The following LRP1B variants were observed in gnomAD, a reference collection of about 807,000 sequenced individuals.
LRP1B encodes low-density lipoprotein receptor-related protein 1B.
In LRP1B, 217 loss-of-function variants were observed where a neutral mutation model predicts 556.6. The observed-to-expected ratio is 0.39, with a 90% confidence interval of 0.35 to 0.44. LRP1B has a LOEUF of 0.44. Ranked by LOEUF, LRP1B falls within the 20% of genes least tolerant of loss-of-function variation. LRP1B has a pLI of 1.00. For missense variants in LRP1B, 5,053 were observed against 5,620.8 expected (o/e 0.90, Z 3.23); for synonymous variants, 2,047 against 1,865.8 (o/e 1.10, Z -2.50).
chr2:141,562,880 G>T lies in LRP1B; in HGVS notation c.206-82347C>A, dbSNP rs536705469. 2.8e-4 allele frequency among the ~76,000 whole-genome samples: 43 copies of T among 151,990 alleles called. No individual in the cohort carries two copies. The Middle Eastern group carries it at 0.01, about 36-fold the overall frequency. On this transcript the variant is annotated intron_variant, in intron 2 of 90. Coordinates refer to ENST00000389484, the MANE Select transcript of LRP1B (RefSeq NM_018557.3). ...TCCTCACTAGAAATATGGAAACAAA[G>T]ATTTTATCTCAAAGCACCCTGGAAT... is the stretch of plus-strand genomic sequence containing the variant.
intron 3 of LRP1B, among the ~76,000 whole-genome samples, chr2:141,405,315 G>A (rs74900792): frequency 1.3e-5 from 2 of 151,992 alleles, no homozygotes; most frequent in East Asian, 3.8e-4. Context: ...TTAGCAAATA[G>A]TACATTTTAA....
chr2:141,423,286 A>G (rs1680213187), intron 3 of LRP1B, among the ~76,000 whole-genome samples: 1 of 128,178 alleles, frequency 7.8e-6, no homozygotes, highest in Non-Finnish European at 1.6e-5. Flanking sequence ...GGCAACAGCC[A>G]GAGCTTTTTT....
At chr2:140,612,291 G>A (rs1399690185) in intron 41 of LRP1B, among the ~76,000 whole-genome samples, 1 of 152,002 alleles carries the variant, frequency 6.6e-6, no homozygotes, top group Non-Finnish European at 1.5e-5. Flanking sequence ...CAATCACACA[G>A]GCATTCTAAC....
chr2:142,009,327 T>C (rs1243341574), intron 1 of LRP1B, among the ~76,000 whole-genome samples: 2 of 152,114 alleles, frequency 1.3e-5, no homozygotes, highest in East Asian at 1.9e-4. Context: ...TTCTGATTGG[T>C]TTTTGTTTCT....
At chr2:140,290,866 C>T (rs1361194449) in intron 84 of LRP1B, among the ~76,000 whole-genome samples, 1 of 151,934 alleles carries the variant, frequency 6.6e-6, no homozygotes, top group Non-Finnish European at 1.5e-5. Context: ...ATATATTAGA[C>T]CAGGAGAAGC....
chr2:140,749,276 C>T (rs1688487592), intron 35 of LRP1B, among the ~76,000 whole-genome samples: 1 of 152,090 alleles, frequency 6.6e-6, no homozygotes, highest in South Asian at 2.1e-4. Flanking sequence ...ATGAACCCTG[C>T]ACACTTAGGC....
At chr2:141,465,454 C>T (rs566752179) in intron 3 of LRP1B, among the ~76,000 whole-genome samples, 5 of 152,144 alleles carry the variant, frequency 3.3e-5, no homozygotes, top group South Asian at 2.1e-4. Flanking sequence ...TTCCTCAGGC[C>T]GCAGGTAGCC....
intron 3 of LRP1B, among the ~76,000 whole-genome samples, chr2:141,431,819 T>A (rs2104985391): frequency 6.6e-6 from 1 of 152,248 alleles, no homozygotes; most frequent in Admixed American, 6.5e-5. Context: ...TAATCTTGGG[T>A]CCTACAAGCT....
intron 79 of LRP1B, among the ~76,000 whole-genome samples, chr2:140,327,731 A>C (rs1010683416): frequency 6.6e-6 from 1 of 152,072 alleles, no homozygotes; most frequent in Non-Finnish European, 1.5e-5. Context: ...TGAGTATGTA[A>C]TCCAATTTAA....
chr2:141,167,565 C>T (rs1680324716), intron 7 of LRP1B, among the ~76,000 whole-genome samples: 1 of 151,648 alleles, frequency 6.6e-6, no homozygotes, highest in Admixed American at 6.6e-5. Flanking sequence ...CTAACAGGTA[C>T]TATCTATATA....
At chr2:140,616,364 C>T (rs575428867) in intron 41 of LRP1B, among the ~76,000 whole-genome samples, 148 of 152,036 alleles carry the variant, frequency 9.7e-4, no homozygotes, top group Non-Finnish European at 1.1e-3. Flanking sequence ...AAAGAACTCT[C>T]ATGTCCCAAC....
intron 60 of LRP1B, among the ~76,000 whole-genome samples, chr2:140,461,277 A>ATACT (rs927316335): frequency 7.9e-5 from 12 of 152,232 alleles, no homozygotes; most frequent in Non-Finnish European, 4.4e-5. Context: ...TCTACTTTAA[A>ATACT]TACTTAAGAA....
chr2:140,575,518 T>A (rs936809965), intron 43 of LRP1B, among the ~76,000 whole-genome samples: 4 of 152,222 alleles, frequency 2.6e-5, no homozygotes, highest in African/African-American at 9.6e-5. Flanking sequence ...AAAATCATCT[T>A]ACTTTTAGTT....
intron 43 of LRP1B, among the ~76,000 whole-genome samples, chr2:140,561,528 A>G (rs1680929966): frequency 6.6e-6 from 1 of 152,150 alleles, no homozygotes. Context: ...TTCTCTTGTT[A>G]GCCTATCTTT....
chr2:141,913,960 A>G (rs1240324141), intron 1 of LRP1B, among the ~76,000 whole-genome samples: 1 of 151,970 alleles, frequency 6.6e-6, no homozygotes, highest in East Asian at 1.9e-4. Flanking sequence ...GTTAGCCAGG[A>G]TGGTCTCGAT....
chr2:142,124,740 T>G (rs115025074), intron 1 of LRP1B, among the ~76,000 whole-genome samples: 3,846 of 151,980 alleles, frequency 0.025, 110 homozygotes, highest in Non-Finnish European at 0.032. Context: ...AATATTTCAT[T>G]TGCCTAGTAT....
At chr2:140,694,358 A>G (rs910052506) in intron 41 of LRP1B, among the ~76,000 whole-genome samples, 3 of 152,140 alleles carry the variant, frequency 2.0e-5, no homozygotes, top group Non-Finnish European at 4.4e-5. Context: ...TCCATCTTTA[A>G]TAATTCAGTT....
chr2:141,408,997 T>C (rs1296208360), intron 3 of LRP1B, among the ~76,000 whole-genome samples: 2 of 152,170 alleles, frequency 1.3e-5, no homozygotes, highest in African/African-American at 2.4e-5. Flanking sequence ...TACATTGGCT[T>C]CTGTGTAATA....
chr2:141,101,040 A>G (rs546381317), intron 7 of LRP1B, among the ~76,000 whole-genome samples: 85 of 152,232 alleles, frequency 5.6e-4, no homozygotes, highest in African/African-American at 1.5e-3. Flanking sequence ...CAAGGCCGTG[A>G]GTGTCAAACC....
Sources: allele counts gnomAD v4.1 joint callset (sites outside exome capture counted in the v4.1 genomes callset), GRCh38; gene constraint gnomAD v4.1.1; transcripts MANE v1.5; gene names NCBI Gene and HGNC (gene_info 2026-07-23, HGNC 2026-07-21).